WBP2: variants seen among roughly 807,000 people sequenced by gnomAD.
WBP2 encodes the protein WW domain binding protein 2, also known as WW domain-binding protein 2.
A neutral mutation model predicts 33.0 loss-of-function variants in WBP2; 23 were observed. The ratio of observed to expected loss-of-function variants is 0.70; its 90% confidence interval spans 0.50 to 0.99. The LOEUF (loss-of-function observed/expected upper bound fraction) is 0.99. Ranked by LOEUF, WBP2 falls within the 50% of genes least tolerant of loss-of-function variation. The probability of loss-of-function intolerance (pLI) is 0.00; values close to 1 mark genes in which losing one functional copy is unlikely to be tolerated. For missense variants in WBP2, 353 were observed against 358.0 expected, an observed-to-expected ratio of 0.99 and a Z score of 0.11; for synonymous variants, 153 against 133.5, an observed-to-expected ratio of 1.15 and a Z score of -1.01.
At position 75,845,713 on chromosome 17, in the gene WBP2, T is replaced by C. The variant is rs1339590416; in HGVS notation, c.*1021A>G. Reference sequence around the variant, plus strand: ...GCCAGAAAGGGTCCAGTTATTTCATTTTTACTATTTCACATTTTCAGCAAA... The same window carrying C: ...GCCAGAAAGGGTCCAGTTATTTCATCTTTACTATTTCACATTTTCAGCAAA... On this transcript the variant is annotated 3_prime_UTR_variant, in exon 8 of 8. Coordinates refer to ENST00000254806, the MANE Select transcript of WBP2 (RefSeq NM_012478.4). The C allele has an allele frequency of 1.3e-5, 2 of 152,576 alleles. No homozygotes were observed. Among genetic ancestry groups the C allele is most frequent in the Non-Finnish European group, 2.9e-5 (2 of 68,044 alleles). 9.5% of individuals were successfully genotyped at this position (152,576 alleles called of 1,614,324 possible).
chr17:75,849,628 C>G lies in WBP2; in HGVS notation c.280G>C (p.Gly94Arg). Residue 94 changes from glycine (G) to arginine (R), a missense_variant, in exon 3 of 8, where the codon GGA becomes CGA. Coordinates refer to ENST00000254806, the MANE Select transcript of WBP2 (RefSeq NM_012478.4). The part of the protein sequence containing the change: ...QPVFGANYIK[G>R]TVKAEAGGGW... ...CCTCCCGCTTCCGCCTTCACTGTTC[C>G]CTTGATGTAGTTTGCACCAAATACG... 1 of 1,614,110 alleles carries G rather than the reference C, an allele frequency of 6.2e-7. No homozygotes were observed. Among genetic ancestry groups the G allele is most frequent in the Non-Finnish European group, 8.5e-7 (1 of 1,179,958 alleles).
intron 1 of WBP2, among the ~76,000 whole-genome samples, chr17:75,854,468 T>C (rs552557941): frequency 1.3e-5 from 2 of 152,084 alleles, no homozygotes; most frequent in South Asian, 4.2e-4. Flanking sequence ...GTGGGGAGGA[T>C]GGAGTGGAAA....
chr17:75,849,150 G>A (rs919318411), intron 3 of WBP2: 17 of 209,874 alleles, frequency 8.1e-5, no homozygotes, highest in Admixed American at 2.6e-4. Context: ...TAGCAAGGGC[G>A]GGCCTGGCTG....
chr17:75,855,729 G>A (rs1053932262), upstream of WBP2, among the ~76,000 whole-genome samples: 1 of 152,276 alleles, frequency 6.6e-6, no homozygotes, highest in African/African-American at 2.4e-5. Context: ...CGCGTTAAGG[G>A]AAGTCCTGCT....
chr17:75,848,075 C>T (rs1384998565), intron 4 of WBP2, 145 bp from the exon 5 acceptor site: 1 of 1,150,542 alleles, frequency 8.7e-7, no homozygotes. Context: ...ACCCTCCACC[C>T]ATACTCGGGG....
chr17:75,854,084 A>G (rs910725811), intron 1 of WBP2, among the ~76,000 whole-genome samples: 1 of 149,394 alleles, frequency 6.7e-6, no homozygotes, highest in African/African-American at 2.5e-5. Context: ...GAAGAGAAGT[A>G]CTGCTCAGAG....
intron 3 of WBP2, chr17:75,849,360 G>T: frequency 2.1e-6 from 1 of 471,120 alleles, no homozygotes; most frequent in East Asian, 3.4e-5. Flanking sequence ...TAAGCATCTT[G>T]ACTCAGTCCG....
intron 2 of WBP2, among the ~76,000 whole-genome samples, chr17:75,850,832 T>G (rs541484169): frequency 1.0e-3 from 152 of 152,274 alleles, no homozygotes; most frequent in African/African-American, 3.5e-3. Flanking sequence ...TAGCTGAGAC[T>G]AGAGGCATGT....
chr17:75,846,407 T>G lies in WBP2; in HGVS notation c.*327A>C. ...CCAGACTGAGGGAGCTGGACTGCGGTGGAGGAGGTGGCCAGAGAGTCCCTT... is the reference window on the plus strand; with the variant it reads ...CCAGACTGAGGGAGCTGGACTGCGGGGGAGGAGGTGGCCAGAGAGTCCCTT... On this transcript the variant is annotated 3_prime_UTR_variant, in exon 8 of 8. Transcript: ENST00000254806. This position sits in a 1 kb window ranked among gnomAD's most constrained non-coding sequence, Gnocchi z 4.8. The G allele has an allele frequency of 2.4e-6, 1 of 411,730 alleles. No homozygotes were observed. Among genetic ancestry groups the G allele is most frequent in the Non-Finnish European group, 4.5e-6 (1 of 221,966 alleles). The allele number at this position is 411,730 out of a possible 1,614,324, so 25.5% of individuals were successfully genotyped here.
At chr17:75,847,356 C>T in intron 6 of WBP2, 131 bp downstream of exon 6, 1 of 1,419,542 alleles carries the variant, frequency 7.0e-7, no homozygotes, top group Non-Finnish European at 9.6e-7. Flanking sequence ...CCTGCTGGGC[C>T]CCTGGGGTAG....
At chr17:75,854,709 G>A (rs761931386) in intron 1 of WBP2, among the ~76,000 whole-genome samples, 3 of 152,174 alleles carry the variant, frequency 2.0e-5, no homozygotes, top group South Asian at 2.1e-4. Flanking sequence ...ATTAACTTTG[G>A]AGTCAAGACT....
chr17:75,849,722 C>T lies in WBP2; in HGVS notation c.186G>A (p.Lys62=). Residue 62 remains lysine (K), a synonymous_variant, in exon 3 of 8, where the codon AAG becomes AAA. Transcript: ENST00000254806. ...TGAAGGACTGCATGGCATCCTTGCC[C>T]TTGGACAGAAAGATGACCTGCAGGG... The part of the protein sequence containing the change: ...LTPYRVIFLS[K]GKDAMQSFMM... The T allele has an allele frequency of 6.2e-7, 1 of 1,614,132 alleles. No individual in the cohort carries two copies. The highest frequency in any genetic ancestry group is 8.5e-7 in the Non-Finnish European group (1 of 1,180,018).
chr17:75,856,261 C>G (rs1283163518), upstream of WBP2: 1 of 152,402 alleles, frequency 6.6e-6, no homozygotes, highest in Non-Finnish European at 1.5e-5. Context: ...AACCCCTGCA[C>G]CTCCGAGCTG....
Position 75,846,647 on chromosome 17 carries a change from C to T in WBP2, c.*87G>A. ...TCAGACCTGGAGGGAGAACAAGGCG[C>T]CCCCTCCCCTCCCCAAGCCCCAGCA... On this transcript the variant is annotated 3_prime_UTR_variant, in exon 8 of 8. Transcript: ENST00000254806. This position sits in a 1 kb window ranked among gnomAD's most constrained non-coding sequence, Gnocchi z 4.8. 1 of 1,429,856 alleles carries T rather than the reference C, an allele frequency of 7.0e-7. No individual in the cohort carries two copies. The highest frequency in any genetic ancestry group is 9.6e-7 in the Non-Finnish European group (1 of 1,046,252). 88.6% of individuals were successfully genotyped at this position (1,429,856 alleles called of 1,614,324 possible). A position where few individuals can be genotyped will look rare whatever the true frequency, so the allele number is the denominator to read the frequency against.
At chr17:75,847,235 T>C in intron 6 of WBP2, 1 of 687,374 alleles carries the variant, frequency 1.5e-6, no homozygotes, top group South Asian at 1.8e-5. Context: ...CAGCTGAGTG[T>C]AGATGAGAGG....
intron 2 of WBP2, 174 bp downstream of exon 2, chr17:75,851,394 G>A (rs1215368248): frequency 1.8e-6 from 1 of 561,404 alleles, no homozygotes. Flanking sequence ...AAAGAGCCTG[G>A]TGATTCTGGA....
At chr17:75,855,642 C>G (rs2065054186), upstream of WBP2, among the ~76,000 whole-genome samples, 1 of 152,222 alleles carries the variant, frequency 6.6e-6, no homozygotes, top group African/African-American at 2.4e-5. Flanking sequence ...TTGTGCCATC[C>G]CCACCCCGCC....
At position 75,846,512 on chromosome 17, in the gene WBP2, C is replaced by G; in HGVS notation, c.*222G>C. On this transcript the variant is annotated 3_prime_UTR_variant, in exon 8 of 8. Transcript: ENST00000254806. This position sits in a 1 kb window ranked among gnomAD's most constrained non-coding sequence, Gnocchi z 4.8. ...AGAGCCCCAGACGGTGAGGGAGGTA[C>G]GCTGGGCAGCACTGTGGGCTCCGGG... 1.7e-6 allele frequency: 1 copy of G among 605,544 alleles called. No homozygotes were observed. Among genetic ancestry groups the G allele is most frequent in the Non-Finnish European group, 2.9e-6 (1 of 341,088 alleles). 37.5% of individuals were successfully genotyped at this position (605,544 alleles called of 1,614,324 possible).
At chr17:75,850,686 T>G (rs1337907249) in intron 2 of WBP2, among the ~76,000 whole-genome samples, 1 of 152,204 alleles carries the variant, frequency 6.6e-6, no homozygotes, top group African/African-American at 2.4e-5. Context: ...TTCTTCCAGC[T>G]GTCTTTGAGT....
Sources: gnomAD v4.1 joint callset for allele counts (sites outside exome capture counted in the v4.1 genomes callset) on GRCh38, gnomAD v4.1.1 for gene constraint, Gnocchi (gnomAD v3.1) non-coding constraint, MANE v1.5 for transcripts, NCBI Gene and HGNC (gene_info 2026-07-23, HGNC 2026-07-21) for gene names.